NGFR: variants seen among roughly 807,000 people sequenced by gnomAD.
NGFR encodes nerve growth factor receptor, also known as tumor necrosis factor receptor superfamily member 16.
In NGFR, 30 loss-of-function variants were observed where a neutral mutation model predicts 43.2. The ratio of observed to expected loss-of-function variants is 0.69; its 90% CI spans 0.52 to 0.94. The LOEUF (loss-of-function observed/expected upper bound fraction) is 0.94, where lower values mean the gene tolerates loss of function less well. Ranked by LOEUF, NGFR falls within the 40% of genes least tolerant of loss-of-function variation. The pLI, the probability that NGFR is intolerant of heterozygous loss-of-function variation, is 0.00. For synonymous variants in NGFR, 246 were observed against 259.6 expected (o/e 0.95, Z 0.50); for missense variants, 529 against 602.5 (o/e 0.88, Z 1.28).
intron 3 of NGFR, among the ~76,000 whole-genome samples, chr17:49,508,888 G>A (rs1330563259): frequency 1.3e-5 from 2 of 151,998 alleles, no homozygotes; most frequent in Non-Finnish European, 2.9e-5. Flanking sequence ...CTCATTCATT[G>A]GGCACCCGGA....
Position 49,513,024 on chromosome 17 carries a change from C to T in NGFR, c.*15C>T, listed in dbSNP as rs2071245163. On this transcript the variant is annotated 3_prime_UTR_variant, in exon 6 of 6. Transcript: ENST00000172229. ...CCCCGGTGTGAGCCCAACCGGGGAG[C>T]CCCCGCCCCGCCCCACATTCCGACA... is the stretch of plus-strand genomic sequence containing the variant. The T allele has an allele frequency of 2.7e-6, 4 of 1,499,652 alleles. No homozygotes were observed. The highest frequency in any genetic ancestry group is 1.3e-5 in the South Asian group (1 of 76,982). The allele number at this position is 1,499,652 out of a possible 1,614,324, so 92.9% of individuals were successfully genotyped here.
chr17:49,507,932 C>A (rs371651710), intron 3 of NGFR, among the ~76,000 whole-genome samples: 10 of 152,358 alleles, frequency 6.6e-5, no homozygotes, highest in Admixed American at 2.6e-4. Context: ...TCAGTTAGCA[C>A]CCAGATCTCC....
intron 1 of NGFR, 39 bp from the exon 2 acceptor site, chr17:49,502,018 CAGCTTT>C: frequency 1.5e-6 from 2 of 1,320,356 alleles, no homozygotes; most frequent in African/African-American, 1.5e-5. Context: ...CAACCCACCC[CAGCTTT>C]CTCTTGCCAG....
At chr17:49,510,883 C>G in intron 4 of NGFR, 1 of 583,292 alleles carries the variant, frequency 1.7e-6, no homozygotes, top group East Asian at 2.9e-5. Flanking sequence ...CTGCCCTGTC[C>G]TGGCTCCAGC....
chr17:49,497,090 C>G (rs2071142755), intron 1 of NGFR: 1 of 152,276 alleles, frequency 6.6e-6, no homozygotes, highest in Non-Finnish European at 1.5e-5. Context: ...GACCTGATTC[C>G]CAGCTCGGTA....
intron 2 of NGFR, among the ~76,000 whole-genome samples, chr17:49,504,741 C>T (rs929713520): frequency 8.2e-5 from 8 of 97,796 alleles, no homozygotes; most frequent in Admixed American, 5.0e-4. Context: ...CTTTTCTTCT[C>T]TCCTCTACCC....
intron 2 of NGFR, among the ~76,000 whole-genome samples, chr17:49,505,038 C>A (rs1161670292): frequency 6.6e-6 from 1 of 152,122 alleles, no homozygotes. Flanking sequence ...TCCCAAAGTG[C>A]TGGGATTACA....
At chr17:49,498,853 G>A (rs1418026442) in intron 1 of NGFR, among the ~76,000 whole-genome samples, 1 of 152,148 alleles carries the variant, frequency 6.6e-6, no homozygotes, top group Non-Finnish European at 1.5e-5. Context: ...CTGAATGTTA[G>A]TCACCCCTCC....
At position 49,510,453 on chromosome 17, in the gene NGFR, G is replaced by A; in HGVS notation, c.610G>A (p.Gly204Ser). Reference protein sequence around the residue: ...RWITRSTPPEGSDSTAPSTQE... With the variant: ...RWITRSTPPESSDSTAPSTQE... Reference sequence around the variant, plus strand: ...GATTACACGGTCCACACCCCCAGAGGGCTCGGACAGCACAGCCCCCAGCAC... The same window carrying A: ...GATTACACGGTCCACACCCCCAGAGAGCTCGGACAGCACAGCCCCCAGCAC... Residue 204 changes from glycine to serine, a missense_variant, in exon 4 of 6, where the codon GGC becomes AGC. Gly to Ser is a moderately conservative substitution (Grantham distance 56, BLOSUM62 0). Coordinates refer to ENST00000172229, the MANE Select transcript of NGFR (RefSeq NM_002507.4). 6.2e-7 allele frequency: 1 copy of A among 1,614,014 alleles called. No homozygotes were observed. Among genetic ancestry groups the A allele is most frequent in the Non-Finnish European group, 8.5e-7 (1 of 1,179,978 alleles).
chr17:49,500,155 G>A (rs1018681574), intron 1 of NGFR, among the ~76,000 whole-genome samples: 2 of 152,044 alleles, frequency 1.3e-5, no homozygotes, highest in African/African-American at 4.8e-5. Context: ...CAGAGTAATC[G>A]CTGGTGTAAA....
intron 1 of NGFR, 63 bp from the exon 2 acceptor site, chr17:49,502,000 A>AGGGGCCCCC: frequency 7.6e-6 from 2 of 264,886 alleles, no homozygotes; most frequent in Non-Finnish European, 1.6e-5. Context: ...CCCCGGAAGA[A>AGGGGCCCCC]CCCCCCCCAA....
In NGFR at chr17:49,502,183, G is replaced by C. The variant is rs372917452; in HGVS notation, c.187G>C (p.Val63Leu). Residue 63 changes from valine to leucine, a missense_variant, in exon 2 of 6, where the codon GTG becomes CTG. Val to Leu is a conservative substitution (Grantham distance 32). Transcript: ENST00000172229. ...VAQPCGANQT[V>L]CEPCLDSVTF... is the part of the protein sequence containing the mutation. Reference sequence around the variant, plus strand: ...CCAGCCTTGTGGAGCCAACCAGACCGTGTGTGAGCCCTGCCTGGACAGTGA... The same window carrying C: ...CCAGCCTTGTGGAGCCAACCAGACCCTGTGTGAGCCCTGCCTGGACAGTGA... 6.2e-7 allele frequency: 1 copy of C among 1,609,090 alleles called. No homozygotes were observed. Among genetic ancestry groups the C allele is most frequent in the Admixed American group, 1.7e-5 (1 of 59,902 alleles).
chr17:49,507,576 C>T (rs1249674035), intron 3 of NGFR, among the ~76,000 whole-genome samples: 2 of 152,136 alleles, frequency 1.3e-5, no homozygotes, highest in Non-Finnish European at 1.5e-5. Context: ...GGAGCCAGGG[C>T]AGAGCTGTTT....
At chr17:49,500,050 T>C (rs1010822227) in intron 1 of NGFR, among the ~76,000 whole-genome samples, 6 of 139,602 alleles carry the variant, frequency 4.3e-5, no homozygotes, top group South Asian at 2.2e-4. Flanking sequence ...AGAAAAGCTA[T>C]ATTAAAAAAA....
At chr17:49,502,000 A>ACGGCCCCC in intron 1 of NGFR, 63 bp from the exon 2 acceptor site, 1 of 264,886 alleles carries the variant, frequency 3.8e-6, no homozygotes, top group Non-Finnish European at 7.9e-6. Flanking sequence ...CCCCGGAAGA[A>ACGGCCCCC]CCCCCCCCAA....
chr17:49,511,007 C>G (rs2071228874), intron 4 of NGFR: 1 of 230,066 alleles, frequency 4.3e-6, no homozygotes. Flanking sequence ...GTCTCTTCCC[C>G]TTCGCTTGTC....
At position 49,512,588 on chromosome 17, in the gene NGFR, C is replaced by T. The variant is rs1239684616; in HGVS notation, c.983-120C>T. On this transcript the variant is annotated intron_variant, in intron 5 of 5. Transcript: ENST00000172229. The surrounding 1 kb of genome is among the most constrained non-coding windows in gnomAD (Gnocchi z 5.2). ...TGCCCCACCCAGGACCTTGTCTTGG[C>T]CCCAGGCCTCCAGATGGGGAGGAGC... 2.8e-5 allele frequency: 37 copies of T among 1,317,208 alleles called. No homozygotes were observed. Among genetic ancestry groups the T allele is most frequent in the Non-Finnish European group, 3.7e-5 (36 of 960,684 alleles). 81.6% of individuals were successfully genotyped at this position (1,317,208 alleles called of 1,614,324 possible).
intron 1 of NGFR, among the ~76,000 whole-genome samples, chr17:49,500,058 A>G (rs2071158812): frequency 6.6e-6 from 1 of 152,066 alleles, no homozygotes; most frequent in Non-Finnish European, 1.5e-5. Context: ...TATATTAAAA[A>G]AAAAAAAAAG....
chr17:49,504,769 CTTTT>C (rs67010321), intron 2 of NGFR, among the ~76,000 whole-genome samples: 2 of 110,930 alleles, frequency 1.8e-5, no homozygotes, highest in Non-Finnish European at 1.9e-5. Flanking sequence ...TTCTTTCTTT[CTTTT>C]TTTTTTTTTT....
Sources: allele counts gnomAD v4.1 joint callset (sites outside exome capture counted in the v4.1 genomes callset), GRCh38; gene constraint gnomAD v4.1.1; non-coding constraint Gnocchi (gnomAD v3.1); transcripts MANE v1.5; gene names NCBI Gene and HGNC (gene_info 2026-07-23, HGNC 2026-07-21).